CLYBL: variants seen among roughly 807,000 people sequenced by gnomAD.
CLYBL encodes the protein citramalyl-CoA lyase.
A neutral mutation model predicts 38.9 loss-of-function variants in CLYBL; 31 were observed. The ratio of observed to expected loss-of-function variants is 0.80; its 90% CI spans 0.60 to 1.08. The LOEUF is 1.08. CLYBL is among the 50% of genes least tolerant of loss of function. The pLI is 0.00. For missense variants in CLYBL, 434 were observed against 411.6 expected (o/e 1.05, Z -0.47); for synonymous variants, 171 against 158.6 (o/e 1.08, Z -0.59).
chr13:99,773,359 C>A (rs1424426355), intron 2 of CLYBL, among the ~76,000 whole-genome samples: 3 of 152,154 alleles, frequency 2.0e-5, no homozygotes, highest in African/African-American at 7.2e-5. Flanking sequence ...CCAGTACAGG[C>A]CACAATACAG....
rs115310508 is a variant in CLYBL, at chr13:99,671,507, C to T, written c.62+64750C>T. On this transcript the variant is annotated intron_variant, in intron 1 of 8. Transcript: ENST00000339105. ...ATAGAAAACTACTGTAGGCTGGGCA[C>T]GATGGCTCACACCTGTAACCCCAGC... 8.1e-3 allele frequency among the ~76,000 whole-genome samples: 1,240 copies of T among 152,162 alleles called. 15 individuals are homozygous for T. Among genetic ancestry groups the T allele is most frequent in the African/African-American group, 0.027 (1,129 of 41,508 alleles).
intron 1 of CLYBL, among the ~76,000 whole-genome samples, chr13:99,752,588 C>A (rs554039851): frequency 6.6e-6 from 1 of 152,242 alleles, no homozygotes; most frequent in East Asian, 1.9e-4. Flanking sequence ...CCAGGGTAAA[C>A]CAGACTGTCT....
At chr13:99,687,200 A>C (rs61697103) in intron 1 of CLYBL, among the ~76,000 whole-genome samples, 2,985 of 152,360 alleles carry the variant, frequency 0.02, 79 homozygotes, top group African/African-American at 0.068. Flanking sequence ...AGCCAGGCTC[A>C]GAAATTGCAA....
chr13:99,678,919 T>G (rs2047692182), intron 1 of CLYBL, among the ~76,000 whole-genome samples: 1 of 152,218 alleles, frequency 6.6e-6, no homozygotes. Flanking sequence ...GGACCTAGTA[T>G]GTGCTGGACA....
intron 1 of CLYBL, among the ~76,000 whole-genome samples, chr13:99,633,403 C>T (rs1186657365): frequency 2.0e-5 from 3 of 151,218 alleles, no homozygotes; most frequent in Non-Finnish European, 4.4e-5. Context: ...GGCATGGTGG[C>T]ACGCATCTGT....
At chr13:99,887,259 A>G (rs1405406672) in intron 7 of CLYBL, among the ~76,000 whole-genome samples, 1 of 151,980 alleles carries the variant, frequency 6.6e-6, no homozygotes, top group Non-Finnish European at 1.5e-5. Context: ...CATTGTTCTG[A>G]TTCAGGGGGT....
intron 1 of CLYBL, among the ~76,000 whole-genome samples, chr13:99,625,730 C>A (rs531154653): frequency 6.6e-6 from 1 of 152,304 alleles, no homozygotes; most frequent in South Asian, 2.1e-4. Context: ...GTAAGAGGCA[C>A]CTATGGCACA....
chr13:99,635,776 T>C lies in CLYBL; in HGVS notation c.62+29019T>C, dbSNP rs572613281. Among the ~76,000 whole-genome samples, 6 of 152,354 alleles carry C rather than the reference T, an allele frequency of 3.9e-5. No individual in the cohort carries two copies. The East Asian group carries it at 1.2e-3, about 29-fold the overall frequency. On this transcript the variant is annotated intron_variant, in intron 1 of 8. Transcript: ENST00000339105. ...AATTCTGGTCTTTCCATTTACTGGC[T>C]GTATGAGCTCAGGCAAGTTGTTTAA...
At chr13:99,900,229 C>A (rs2052626212), downstream of CLYBL, among the ~76,000 whole-genome samples, 1 of 152,088 alleles carries the variant, frequency 6.6e-6, no homozygotes, top group Non-Finnish European at 1.5e-5. Flanking sequence ...GCCTGGCCTT[C>A]ATATTTACTT....
chr13:99,682,033 C>T (rs1486608525), intron 1 of CLYBL, among the ~76,000 whole-genome samples: 3 of 152,292 alleles, frequency 2.0e-5, no homozygotes, highest in South Asian at 2.1e-4. Flanking sequence ...TACAACCTAC[C>T]GCACACCTAG....
chr13:99,760,362 T>A (rs1237054686), intron 1 of CLYBL, among the ~76,000 whole-genome samples: 1 of 152,260 alleles, frequency 6.6e-6, no homozygotes, highest in Non-Finnish European at 1.5e-5. Flanking sequence ...CATTTACCTT[T>A]ACTAAGATGT....
intron 1 of CLYBL, among the ~76,000 whole-genome samples, chr13:99,719,226 C>G (rs1465624848): frequency 6.6e-6 from 1 of 150,660 alleles, no homozygotes; most frequent in Non-Finnish European, 1.5e-5. Flanking sequence ...ATCACGGCAA[C>G]CTTCACCTCC....
At chr13:99,904,139 G>A (rs2052670552) in intron 8 of CLYBL, among the ~76,000 whole-genome samples, 1 of 152,142 alleles carries the variant, frequency 6.6e-6, no homozygotes, top group African/African-American at 2.4e-5. Context: ...GGTCACCTAA[G>A]CCAATGGACT....
chr13:99,719,043 G>T (rs1365078294), intron 1 of CLYBL, among the ~76,000 whole-genome samples: 2 of 151,718 alleles, frequency 1.3e-5, no homozygotes, highest in Admixed American at 1.3e-4. Context: ...CTCCTACATG[G>T]GGTTTCTCCA....
At chr13:99,689,784 T>TA (rs397795606) in intron 1 of CLYBL, among the ~76,000 whole-genome samples, 1 of 151,782 alleles carries the variant, frequency 6.6e-6, no homozygotes, top group Non-Finnish European at 1.5e-5. Flanking sequence ...GTATTTTTTT[T>TA]AAAAGGATTT....
At chr13:99,811,448 G>A (rs2050339551) in intron 2 of CLYBL, among the ~76,000 whole-genome samples, 1 of 152,182 alleles carries the variant, frequency 6.6e-6, no homozygotes, top group African/African-American at 2.4e-5. Context: ...GGGAGGAAGG[G>A]CCTCCCTTCC....
At chr13:99,813,907 A>G (rs927209447) in intron 2 of CLYBL, among the ~76,000 whole-genome samples, 3 of 152,268 alleles carry the variant, frequency 2.0e-5, no homozygotes, top group Non-Finnish European at 4.4e-5. Flanking sequence ...ATCCCCGTGG[A>G]CCAAAGTCCT....
In CLYBL at chr13:99,621,124, C is replaced by T. The variant is rs117533643; in HGVS notation, c.62+14367C>T. Among the ~76,000 whole-genome samples, 16 of 152,298 alleles carry T rather than the reference C, an allele frequency of 1.1e-4. No homozygotes were observed. In the East Asian group the frequency reaches 2.9e-3, roughly 28 times the overall value. On this transcript the variant is annotated intron_variant, in intron 1 of 8. Transcript: ENST00000339105. ...TCCTTACCGTTAAACCTCTTCTCCC[C>T]ACCCCTGAACACATAAATACACTTT...
At chr13:99,833,173 C>G (rs1477483431) in intron 2 of CLYBL, among the ~76,000 whole-genome samples, 3 of 149,746 alleles carry the variant, frequency 2.0e-5, no homozygotes, top group African/African-American at 7.4e-5. Context: ...TCCCAAGTAG[C>G]TGGGATTACA....
Sources: allele counts gnomAD v4.1 joint callset (sites outside exome capture counted in the v4.1 genomes callset), GRCh38; gene constraint gnomAD v4.1.1; transcripts MANE v1.5; gene names NCBI Gene and HGNC (gene_info 2026-07-23, HGNC 2026-07-21).